The following FTCDNL1 variants were observed in gnomAD, a reference collection of about 807,000 sequenced individuals.
FTCDNL1 encodes formiminotransferase cyclodeaminase N-terminal like.
FTCDNL1 carries 11 observed loss-of-function variants against 5.9 expected under a neutral mutation model. That is an observed-to-expected ratio of 1.87 (90% CI 1.18 to 3.10). The LOEUF (loss-of-function observed/expected upper bound fraction) is 3.10, where lower values mean the gene tolerates loss of function less well. Among genes scored for constraint, FTCDNL1 ranks in the 30% most tolerant of loss-of-function variants. The probability of loss-of-function intolerance (pLI) is 0.00; values close to 1 mark genes in which losing one functional copy is unlikely to be tolerated. For synonymous variants in FTCDNL1, 58 were observed against 24.8 expected (o/e 2.34, Z -3.99); for missense variants, 115 against 65.5 (o/e 1.76, Z -2.61).
the FTCDNL1 span, among the ~76,000 whole-genome samples, chr2:199,669,002 A>G: frequency 6.6e-6 from 1 of 152,264 alleles, no homozygotes; most frequent in Admixed American, 6.5e-5. Context: ...AATCTATTTT[A>G]AAATCTGTAG....
At chr2:199,668,422 A>G in the FTCDNL1 span, among the ~76,000 whole-genome samples, 1 of 152,238 alleles carries the variant, frequency 6.6e-6, no homozygotes, top group East Asian at 1.9e-4. Context: ...CCCTTAATAC[A>G]AGTAGACTTT....
intron 3 of FTCDNL1, among the ~76,000 whole-genome samples, chr2:199,836,430 C>T (rs1182920488): frequency 2.0e-5 from 3 of 152,162 alleles, no homozygotes; most frequent in Non-Finnish European, 4.4e-5. Flanking sequence ...CCTTGGCCTC[C>T]CAAAGTGCTG....
the FTCDNL1 span, among the ~76,000 whole-genome samples, chr2:199,719,568 G>T: frequency 2.6e-5 from 4 of 152,020 alleles, no homozygotes; most frequent in Admixed American, 2.6e-4. Flanking sequence ...GAAAAATGAT[G>T]GTAATTTGAT....
chr2:199,749,146 T>A, the FTCDNL1 span, among the ~76,000 whole-genome samples: 1 of 152,198 alleles, frequency 6.6e-6, no homozygotes, highest in African/African-American at 2.4e-5. Context: ...TATTGTCTCC[T>A]AACGGAAGGG....
intron 3 of FTCDNL1, among the ~76,000 whole-genome samples, chr2:199,769,902 T>A (rs949925360): frequency 3.3e-5 from 5 of 152,198 alleles, no homozygotes; most frequent in African/African-American, 1.2e-4. Flanking sequence ...CCTGACTGAT[T>A]CAGCCTCCAA....
At chr2:199,813,092 C>G (rs1382050762) in intron 4 of FTCDNL1, among the ~76,000 whole-genome samples, 1 of 152,156 alleles carries the variant, frequency 6.6e-6, no homozygotes, top group Non-Finnish European at 1.5e-5. Context: ...TTTGCAAACA[C>G]AAATGCAATA....
chr2:199,741,012 C>T, the FTCDNL1 span, among the ~76,000 whole-genome samples: 1 of 152,174 alleles, frequency 6.6e-6, no homozygotes, highest in Admixed American at 6.5e-5. Context: ...AAAGAACGGT[C>T]ATGCCACTCT....
chr2:199,716,168 T>G, the FTCDNL1 span, among the ~76,000 whole-genome samples: 1 of 152,084 alleles, frequency 6.6e-6, no homozygotes, highest in South Asian at 2.1e-4. Flanking sequence ...GTCTCTGTTT[T>G]CACTGTCCTT....
the FTCDNL1 span, among the ~76,000 whole-genome samples, chr2:199,731,862 T>C: frequency 2.0e-5 from 3 of 148,418 alleles, no homozygotes; most frequent in East Asian, 5.9e-4. Flanking sequence ...CACTCCAGCC[T>C]GGGCGACAGA....
chr2:199,845,430 G>C (rs1274204049), intron 3 of FTCDNL1, among the ~76,000 whole-genome samples: 2 of 152,052 alleles, frequency 1.3e-5, no homozygotes, highest in Admixed American at 1.3e-4. Context: ...AGTTAGCCAG[G>C]TATGGTGGTG....
the FTCDNL1 span, among the ~76,000 whole-genome samples, chr2:199,670,748 A>G: frequency 2.0e-5 from 3 of 152,124 alleles, no homozygotes; most frequent in Non-Finnish European, 4.4e-5. Flanking sequence ...GCACAGTTGA[A>G]CATGGCACAA....
chr2:199,829,286 T>A (rs1702221914), intron 3 of FTCDNL1, among the ~76,000 whole-genome samples: 1 of 152,218 alleles, frequency 6.6e-6, no homozygotes, highest in African/African-American at 2.4e-5. Context: ...AAGGGTTGAT[T>A]TAAGGAAATA....
intron 3 of FTCDNL1, among the ~76,000 whole-genome samples, chr2:199,822,858 T>C (rs976575086): frequency 6.6e-6 from 1 of 152,160 alleles, no homozygotes; most frequent in Non-Finnish European, 1.5e-5. Context: ...TGGGTTTTTT[T>C]GTTTGTTTTG....
At chr2:199,769,113 CTG>C (rs1419164498) in intron 3 of FTCDNL1, among the ~76,000 whole-genome samples, 3 of 152,174 alleles carry the variant, frequency 2.0e-5, no homozygotes, top group African/African-American at 4.8e-5. Flanking sequence ...AGCTGTATCT[CTG>C]TGAGCATTCA....
intron 3 of FTCDNL1, among the ~76,000 whole-genome samples, chr2:199,840,811 G>A (rs1032371360): frequency 6.6e-6 from 1 of 151,576 alleles, no homozygotes; most frequent in Admixed American, 6.6e-5. Context: ...AGAAAGAGAG[G>A]GAAGGAAGGA....
intron 3 of FTCDNL1, among the ~76,000 whole-genome samples, chr2:199,788,307 T>C (rs1157446741): frequency 6.6e-6 from 1 of 152,168 alleles, no homozygotes; most frequent in Non-Finnish European, 1.5e-5. Flanking sequence ...GCATTCTAGC[T>C]GAGAGAGGGA....
Position 199,819,613 on chromosome 2 carries a change from G to C in FTCDNL1, c.356C>G (p.Pro119Arg). The change falls in exon 4 of 5, where the codon CCT (proline) becomes CGT (arginine). Residue 119 changes from proline (P) to arginine (R), a missense_variant. Transcript: ENST00000420128. ...FTRRDFSALQ[P>R]DLGAAPSQRC... is the part of the protein sequence containing the mutation. ...TTGGGAAGGGGCAGCTCCCAGGTCA[G>C]GCTGAAGAGCACTGAAATCCCTCCT... 1 of 701,830 alleles carries C rather than the reference G, an allele frequency of 1.4e-6. No individual in the cohort carries two copies. The highest frequency in any genetic ancestry group is 2.6e-6 in the Non-Finnish European group (1 of 384,790). The allele number at this position is 701,830 out of a possible 1,614,324, so 43.5% of individuals were successfully genotyped here.
chr2:199,741,856 T>C, the FTCDNL1 span, among the ~76,000 whole-genome samples: 1 of 152,222 alleles, frequency 6.6e-6, no homozygotes, highest in Non-Finnish European at 1.5e-5. Flanking sequence ...CTCAAATATA[T>C]TGGACCACAG....
the FTCDNL1 span, among the ~76,000 whole-genome samples, chr2:199,718,125 G>T: frequency 1.3e-5 from 2 of 151,852 alleles, no homozygotes; most frequent in Non-Finnish European, 2.9e-5. Context: ...TGCATATATC[G>T]TGTAGTGGTA....
Sources: allele counts gnomAD v4.1 joint callset (sites outside exome capture counted in the v4.1 genomes callset), GRCh38; gene constraint gnomAD v4.1.1; transcripts MANE v1.5; gene names NCBI Gene and HGNC (gene_info 2026-07-23, HGNC 2026-07-21).